The following RPS6KC1 variants were observed in gnomAD, a reference collection of about 807,000 sequenced individuals.
RPS6KC1 encodes the protein ribosomal protein S6 kinase C1.
In RPS6KC1, 54 loss-of-function variants were observed where a neutral mutation model predicts 103.8. That is an observed-to-expected ratio of 0.52 (90% CI 0.42 to 0.65). The LOEUF (loss-of-function observed/expected upper bound fraction) is 0.65, where lower values mean the gene tolerates loss of function less well. Among genes scored for constraint, RPS6KC1 ranks in the 30% least tolerant of loss-of-function variants. The probability of loss-of-function intolerance (pLI) is 0.00; values close to 1 mark genes in which losing one functional copy is unlikely to be tolerated. For synonymous variants in RPS6KC1, 439 were observed against 438.7 expected, an observed-to-expected ratio of 1.00 and a Z score of -0.01; for missense variants, 1,151 against 1,253.8, an observed-to-expected ratio of 0.92 and a Z score of 1.24.
the RPS6KC1 span, among the ~76,000 whole-genome samples, chr1:213,314,083 C>A: frequency 6.6e-6 from 1 of 152,088 alleles, no homozygotes; most frequent in Non-Finnish European, 1.5e-5. Context: ...CTCGCCTCTT[C>A]CAGCTTCTGG....
chr1:213,366,396 C>G, the RPS6KC1 span, among the ~76,000 whole-genome samples: 10 of 152,192 alleles, frequency 6.6e-5, no homozygotes, highest in African/African-American at 2.4e-4. Context: ...TGAGTATTCC[C>G]TTTCTCGGCC....
the RPS6KC1 span, among the ~76,000 whole-genome samples, chr1:213,793,199 CG>C: frequency 1.7e-4 from 26 of 152,080 alleles, no homozygotes; most frequent in Admixed American, 2.6e-4. Flanking sequence ...TGTAATCTAC[CG>C]CAGCTGAAGT....
At chr1:213,490,739 AG>A in the RPS6KC1 span, among the ~76,000 whole-genome samples, 1 of 152,188 alleles carries the variant, frequency 6.6e-6, no homozygotes, top group Admixed American at 6.5e-5. Context: ...ATTGCTCTCA[AG>A]GGCATCTGAA....
chr1:213,064,002 A>C (rs561053953), intron 1 of RPS6KC1, among the ~76,000 whole-genome samples: 8 of 152,202 alleles, frequency 5.3e-5, no homozygotes, highest in African/African-American at 1.9e-4. Flanking sequence ...AGGTAGTACT[A>C]ACTGAATCAG....
At chr1:213,470,743 C>A in the RPS6KC1 span, among the ~76,000 whole-genome samples, 2 of 151,348 alleles carry the variant, frequency 1.3e-5, no homozygotes, top group African/African-American at 4.9e-5. Context: ...ACCTCAGCCT[C>A]CTGAGTAGTT....
the RPS6KC1 span, among the ~76,000 whole-genome samples, chr1:213,291,358 G>A: frequency 6.6e-6 from 1 of 152,186 alleles, no homozygotes; most frequent in African/African-American, 2.4e-5. Context: ...TTCACCTGCT[G>A]CCTCTCGCAC....
At chr1:213,063,433 C>CTTGGT (rs2078020771) in intron 1 of RPS6KC1, among the ~76,000 whole-genome samples, 2 of 152,250 alleles carry the variant, frequency 1.3e-5, no homozygotes, top group East Asian at 3.9e-4. Context: ...CTCATCTTAC[C>CTTGGT]AAGCATGGTT....
the RPS6KC1 span, among the ~76,000 whole-genome samples, chr1:213,543,234 A>G: frequency 1.3e-5 from 2 of 152,204 alleles, no homozygotes; most frequent in Non-Finnish European, 1.5e-5. Flanking sequence ...GAGCTGCAGA[A>G]GTAGGGGAGC....
chr1:213,653,959 G>A, the RPS6KC1 span, among the ~76,000 whole-genome samples: 3 of 152,204 alleles, frequency 2.0e-5, no homozygotes, highest in Admixed American at 6.5e-5. Context: ...GTTTATAGCA[G>A]GGTCAGGACT....
chr1:213,180,101 A>G (rs560282460), intron 8 of RPS6KC1, among the ~76,000 whole-genome samples: 9 of 152,286 alleles, frequency 5.9e-5, no homozygotes, highest in Non-Finnish European at 1.2e-4. Context: ...CCTCATTAAC[A>G]TAGATATGCA....
the RPS6KC1 span, among the ~76,000 whole-genome samples, chr1:213,290,843 T>C: frequency 6.6e-6 from 1 of 152,154 alleles, no homozygotes; most frequent in African/African-American, 2.4e-5. Context: ...ACTTAAACAT[T>C]TGACCACCTG....
chr1:213,605,225 C>T, the RPS6KC1 span, among the ~76,000 whole-genome samples: 3 of 152,140 alleles, frequency 2.0e-5, no homozygotes, highest in South Asian at 2.1e-4. Context: ...CCCCTCATCA[C>T]TTAGTAGCCA....
the RPS6KC1 span, among the ~76,000 whole-genome samples, chr1:213,375,020 TACACATACAC>T: frequency 6.6e-6 from 1 of 151,454 alleles, no homozygotes; most frequent in East Asian, 1.9e-4. Flanking sequence ...CACACATACA[TACACATACAC>T]ACACATACAC....
the RPS6KC1 span, among the ~76,000 whole-genome samples, chr1:213,660,956 G>A: frequency 6.6e-6 from 1 of 152,190 alleles, no homozygotes; most frequent in Admixed American, 6.5e-5. Flanking sequence ...GACAAGCCCA[G>A]GTAGTGAGGC....
At chr1:213,123,421 A>G (rs940929608) in intron 5 of RPS6KC1, among the ~76,000 whole-genome samples, 8 of 152,156 alleles carry the variant, frequency 5.3e-5, no homozygotes, top group African/African-American at 1.9e-4. Flanking sequence ...TGTTTTACCA[A>G]ATCTGTACGA....
the RPS6KC1 span, among the ~76,000 whole-genome samples, chr1:213,397,582 AACACATACACACAC>A: frequency 3.4e-5 from 3 of 89,020 alleles, no homozygotes; most frequent in African/African-American, 1.1e-4. Context: ...AAGAGTCAGG[AACACATACACACAC>A]ACACACACAC....
intron 2 of RPS6KC1, among the ~76,000 whole-genome samples, chr1:213,075,566 G>A (rs1332810206): frequency 6.6e-6 from 1 of 151,986 alleles, no homozygotes. Context: ...GCTCCCTCAC[G>A]AGCTCCTAAG....
At chr1:213,125,307 TTAAA>T (rs1367397572) in intron 5 of RPS6KC1, among the ~76,000 whole-genome samples, 3 of 152,156 alleles carry the variant, frequency 2.0e-5, no homozygotes, top group Non-Finnish European at 4.4e-5. Context: ...CACTTTAGCA[TTAAA>T]TATTCTATAA....
At chr1:213,419,164 T>C in the RPS6KC1 span, among the ~76,000 whole-genome samples, 1 of 152,212 alleles carries the variant, frequency 6.6e-6, no homozygotes, top group Non-Finnish European at 1.5e-5. Flanking sequence ...CAATGTGTCT[T>C]CTGGTGGCTT....
Sources: gnomAD v4.1 joint callset for allele counts (sites outside exome capture counted in the v4.1 genomes callset) on GRCh38, gnomAD v4.1.1 for gene constraint, MANE v1.5 for transcripts, NCBI Gene and HGNC (gene_info 2026-07-23, HGNC 2026-07-21) for gene names.